The following DNAH2 variants were observed in gnomAD, a reference collection of about 807,000 sequenced individuals.
The protein encoded by DNAH2 is dynein axonemal heavy chain 2.
In DNAH2, 323 loss-of-function variants were observed where a neutral mutation model predicts 523.5. The observed-to-expected ratio is 0.62, with a 90% CI of 0.56 to 0.68. The LOEUF (loss-of-function observed/expected upper bound fraction) is 0.68. Ranked by LOEUF, DNAH2 falls within the 30% of genes least tolerant of loss-of-function variation. The probability of loss-of-function intolerance (pLI) is 0.00; values close to 1 mark genes in which losing one functional copy is unlikely to be tolerated. For missense variants in DNAH2, 4,907 were observed against 5,701.5 expected (o/e 0.86, Z 4.49); for synonymous variants, 2,093 against 2,177.4 (o/e 0.96, Z 1.08).
intron 46 of DNAH2, among the ~76,000 whole-genome samples, 154 bp downstream of exon 46, chr17:7,792,497 A>T (rs921917962): frequency 2.0e-5 from 3 of 152,090 alleles, no homozygotes; most frequent in Non-Finnish European, 4.4e-5. Flanking sequence ...AGCGGGACCT[A>T]GAGGGCTTGG....
chr17:7,791,824 C>A, intron 44 of DNAH2, 93 bp from the exon 45 acceptor site: 1 of 1,282,902 alleles, frequency 7.8e-7, no homozygotes, highest in Non-Finnish European at 1.1e-6. Flanking sequence ...AGGAGGAAGA[C>A]CCAGGCTTTC....
At chr17:7,777,958 A>G (rs899453984) in intron 33 of DNAH2, 119 bp from the exon 34 acceptor site, 8 of 931,438 alleles carry the variant, frequency 8.6e-6, no homozygotes, top group African/African-American at 3.3e-5. Flanking sequence ...CTAAAAGGGA[A>G]CCCCTGATCC....
Position 7,765,510 on chromosome 17 carries a change from G to C in DNAH2, c.3456G>C (p.Ser1152=). The C allele has an allele frequency of 6.2e-7, 1 of 1,614,200 alleles. No individual in the cohort carries two copies. ...AATTCAAGACAGGCCTGATCCACTCGGCAGATGACTTCAAGAAGAAAGCAC... is the reference window on the plus strand; with the variant it reads ...AATTCAAGACAGGCCTGATCCACTCCGCAGATGACTTCAAGAAGAAAGCAC... ...KEKFKTGLIH[S]ADDFKKKAHT... The change falls in exon 21 of 86, where the codon TCG becomes TCC. Residue 1152 remains serine (S), a synonymous_variant. Transcript: ENST00000572933.
In DNAH2 at chr17:7,817,701, A is replaced by G; in HGVS notation, c.10161A>G (p.Arg3387=). ...CTGAGAATGGCATCATCGTCACCCG[A>G]GGCAACAGGTGAGGGTGCTGCTGGG... ...FSTENGIIVT[R]GNRWALMIDP... Residue 3387 remains arginine (R), a synonymous_variant, in exon 66 of 86, where the codon CGA becomes CGG. Coordinates refer to ENST00000572933, the MANE Select transcript of DNAH2 (RefSeq NM_020877.5). The G allele has an allele frequency of 6.2e-7, 1 of 1,614,098 alleles. No homozygotes were observed.
intron 2 of DNAH2, among the ~76,000 whole-genome samples, chr17:7,720,946 G>A (rs1192764845): frequency 6.6e-6 from 1 of 151,458 alleles, no homozygotes; most frequent in Non-Finnish European, 1.5e-5. Context: ...GAATGTGTTG[G>A]CCTTCGAACA....
chr17:7,719,065 G>A (rs1317726477), intron 1 of DNAH2, among the ~76,000 whole-genome samples: 1 of 151,172 alleles, frequency 6.6e-6, no homozygotes, highest in East Asian at 1.9e-4. Flanking sequence ...ATTATCTTAT[G>A]TTCTCATACC....
Position 7,831,345 on chromosome 17 carries a change from G to C in DNAH2, c.12459+31G>C. 5 of 1,613,976 alleles carry C rather than the reference G, an allele frequency of 3.1e-6. No homozygotes were observed. Among genetic ancestry groups the C allele is most frequent in the Non-Finnish European group, 4.2e-6 (5 of 1,179,934 alleles). ...AAGAGCCGGGCCTGGGGGAGGGAAA[G>C]TGATGAGAAGAGGGGGCTACACTCA... On this transcript the variant is annotated intron_variant, in intron 80 of 85. Transcript: ENST00000572933. This position sits in a 1 kb window ranked among gnomAD's most constrained non-coding sequence, Gnocchi z 4.2.
chr17:7,766,358 C>T lies in DNAH2; in HGVS notation c.3552C>T (p.Asp1184=), dbSNP rs774048576. 6.2e-6 allele frequency: 10 copies of T among 1,613,946 alleles called. No homozygotes were observed. In the African/African-American group the frequency reaches 1.1e-4, roughly 17 times the overall value. ...TSNVGYMSAL[D]QITQVRAMLM... is the part of the protein sequence containing the mutation. ...ACGTGGGATACATGTCTGCCTTAGACCAGATTACACAAGTGCGGGCCATGC... is the reference window on the plus strand; with the variant it reads ...ACGTGGGATACATGTCTGCCTTAGATCAGATTACACAAGTGCGGGCCATGC... Residue 1184 remains aspartate (D), a synonymous_variant, in exon 22 of 86, where the codon GAC becomes GAT. Coordinates refer to ENST00000572933, the MANE Select transcript of DNAH2 (RefSeq NM_020877.5).
intron 8 of DNAH2, chr17:7,738,849 A>G (rs2075219911): frequency 1.5e-6 from 1 of 651,094 alleles, no homozygotes; most frequent in Non-Finnish European, 2.8e-6. Context: ...CTTTCCCTGA[A>G]TGCAGGGCTC....
At chr17:7,833,262 T>A (rs1339656478) in intron 85 of DNAH2, 41 bp downstream of exon 85, 1 of 1,607,072 alleles carries the variant, frequency 6.2e-7, no homozygotes. Flanking sequence ...GCCCCGTCCC[T>A]AGTTTGGAAC....
chr17:7,728,910 G>C (rs1418939011), intron 4 of DNAH2, among the ~76,000 whole-genome samples: 1 of 151,818 alleles, frequency 6.6e-6, no homozygotes, highest in Non-Finnish European at 1.5e-5. Flanking sequence ...ACTTGAGCCT[G>C]GGAGGTGGAG....
At position 7,807,818 on chromosome 17, in the gene DNAH2, G is replaced by A. The variant is rs1179126719; in HGVS notation, c.9729+232G>A. ...GGCTCAAAGGCACTGCGACCCAGGA[G>A]CCCTTCCAAAGATTGACTTGGGAGC... On this transcript the variant is annotated intron_variant, in intron 63 of 85. Coordinates refer to ENST00000572933, the MANE Select transcript of DNAH2 (RefSeq NM_020877.5). The surrounding 1 kb of genome is among the most constrained non-coding windows in gnomAD (Gnocchi z 5.6). Among the ~76,000 whole-genome samples, 1 of 152,182 alleles carries A rather than the reference G, an allele frequency of 6.6e-6. No homozygotes were observed. The highest frequency in any genetic ancestry group is 1.5e-5 in the Non-Finnish European group (1 of 68,042).
At position 7,722,134 on chromosome 17, in the gene DNAH2, A is replaced by T. The variant is rs186677936; in HGVS notation, c.167-1494A>T. Among the ~76,000 whole-genome samples the T allele has an allele frequency of 2.0e-5, 3 of 149,858 alleles. No homozygotes were observed. In the East Asian group the frequency reaches 6.0e-4, roughly 30 times the overall value. On this transcript the variant is annotated intron_variant, in intron 2 of 85. Transcript: ENST00000572933. ...CTGCCTCAGCCTCCCGAGTAGCTGGAATTACAGGCACCCGCCACCATGCCT... is the reference window on the plus strand; with the variant it reads ...CTGCCTCAGCCTCCCGAGTAGCTGGTATTACAGGCACCCGCCACCATGCCT...
In DNAH2 at chr17:7,770,905, C is replaced by T; in HGVS notation, c.4334C>T (p.Thr1445Ile). Reference sequence around the variant, plus strand: ...TTGGAGGTTATTGAGATGATTCTCACAGTGCAGCGTCAGTGGATGTACTTA... The same window carrying T: ...TTGGAGGTTATTGAGATGATTCTCATAGTGCAGCGTCAGTGGATGTACTTA... The part of the protein sequence containing the change: ...LILEVIEMIL[T>I]VQRQWMYLEN... Residue 1445 changes from threonine (T) to isoleucine (I), a missense_variant, in exon 27 of 86, where the codon ACA (threonine) becomes ATA (isoleucine). Around this residue, in one of 3 missense-constraint regions of DNAH2, gnomAD observed 2,806 missense variants for 3,190.8 expected, o/e 0.88. Coordinates refer to ENST00000572933, the MANE Select transcript of DNAH2 (RefSeq NM_020877.5). 1 of 1,614,036 alleles carries T rather than the reference C, an allele frequency of 6.2e-7. No individual in the cohort carries two copies.
In DNAH2 at chr17:7,759,443, T is replaced by C. The variant is rs767687859; in HGVS notation, c.2470T>C (p.Tyr824His). The C allele has an allele frequency of 6.2e-7, 1 of 1,613,682 alleles. No homozygotes were observed. The highest frequency in any genetic ancestry group is 8.5e-7 in the Non-Finnish European group (1 of 1,179,750). Residue 824 changes from tyrosine (Y) to histidine (H), a missense_variant, in exon 16 of 86, where the codon TAC becomes CAC. Physicochemically the swap from Tyr to His is moderately conservative, Grantham distance 83. This residue lies in a region of DNAH2 where 2,806 missense variants were observed against 3,190.8 expected (regional missense o/e 0.88). Transcript: ENST00000572933. ...GPEIQQQWML[Y>H]MIRLDRMMED... Reference sequence around the variant, plus strand: ...TCAGATTCAGCAGCAGTGGATGCTGTACATGATTCGGCTGGACCGCATGAT... The same window carrying C: ...TCAGATTCAGCAGCAGTGGATGCTGCACATGATTCGGCTGGACCGCATGAT...
In DNAH2 at chr17:7,818,686, G is replaced by C; in HGVS notation, c.10580G>C (p.Arg3527Pro). Residue 3527 changes from arginine to proline, a missense_variant, in exon 70 of 86, where the codon CGG becomes CCG. Physicochemically the swap from Arg to Pro is moderately radical, Grantham distance 103 (BLOSUM62 -2). This residue lies in a region of DNAH2 where 1,851 missense variants were observed against 2,139.4 expected (regional missense o/e 0.87). Coordinates refer to ENST00000572933, the MANE Select transcript of DNAH2 (RefSeq NM_020877.5). ...CTGGGCATTGTGGTGCGGAAGGAGC[G>C]GCCTGAGCTGGAGGAGCAGAAGGAC... ...QLLGIVVRKE[R>P]PELEEQKDSL... is the part of the protein sequence containing the mutation. 1 of 1,614,064 alleles carries C rather than the reference G, an allele frequency of 6.2e-7. No individual in the cohort carries two copies. Among genetic ancestry groups the C allele is most frequent in the Non-Finnish European group, 8.5e-7 (1 of 1,180,002 alleles).
At chr17:7,767,867 C>T in intron 22 of DNAH2, 33 bp from the exon 23 acceptor site, 4 of 1,612,750 alleles carry the variant, frequency 2.5e-6, no homozygotes, top group Non-Finnish European at 3.4e-6. Flanking sequence ...AGGGCAGGTG[C>T]CACTTCATGC....
chr17:7,736,740 G>C (rs2075153317), intron 7 of DNAH2, among the ~76,000 whole-genome samples: 1 of 152,150 alleles, frequency 6.6e-6, no homozygotes, highest in Non-Finnish European at 1.5e-5. Context: ...CCAGCACTTT[G>C]GGAGGCTGAG....
At chr17:7,777,838 C>CT (rs899942033) in intron 33 of DNAH2, among the ~76,000 whole-genome samples, 3 of 152,210 alleles carry the variant, frequency 2.0e-5, no homozygotes, top group African/African-American at 7.2e-5. Flanking sequence ...ATGAATGTCA[C>CT]TTGAACAGGA....
Sources: gnomAD v4.1 joint callset for allele counts (sites outside exome capture counted in the v4.1 genomes callset) on GRCh38, gnomAD v4.1.1 for gene constraint, gnomAD v4.1.1 regional missense constraint, Gnocchi (gnomAD v3.1) non-coding constraint, MANE v1.5 for transcripts, NCBI Gene and HGNC (gene_info 2026-07-23, HGNC 2026-07-21) for gene names.